The following FAM171A1 variants were observed in gnomAD, a reference collection of about 807,000 sequenced individuals.
FAM171A1 encodes family with sequence similarity 171 member A1.
Under a neutral mutation model 74.9 loss-of-function variants are expected in FAM171A1, and 23 were observed. The observed-to-expected ratio is 0.31, with a 90% confidence interval of 0.22 to 0.44. FAM171A1 has a LOEUF of 0.44. Ranked by LOEUF, FAM171A1 falls within the 20% of genes least tolerant of loss-of-function variation. The pLI, the probability that FAM171A1 is intolerant of heterozygous loss-of-function variation, is 1.00. For missense variants in FAM171A1, 1,162 were observed against 1,159.2 expected, an observed-to-expected ratio of 1.00 and a Z score of -0.03; for synonymous variants, 527 against 505.7, an observed-to-expected ratio of 1.04 and a Z score of -0.57.
At chr10:15,331,852 T>C (rs1467165269) in intron 1 of FAM171A1, among the ~76,000 whole-genome samples, 2,805 of 35,016 alleles carry the variant, frequency 0.08, 77 homozygotes, top group African/African-American at 0.14. Flanking sequence ...TGTGTATATA[T>C]ATGTGTGTAT....
At chr10:15,368,104 TGAGAG>T (rs1836088109) in intron 1 of FAM171A1, among the ~76,000 whole-genome samples, 1 of 152,178 alleles carries the variant, frequency 6.6e-6, no homozygotes, top group African/African-American at 2.4e-5. Context: ...CCAGAGCAAC[TGAGAG>T]GAAACACTTA....
chr10:15,333,705 G>T lies in FAM171A1; in HGVS notation c.97+37251C>A, dbSNP rs542126864. 3.2e-3 allele frequency among the ~76,000 whole-genome samples: 480 copies of T among 152,074 alleles called. 3 individuals carry two copies. Among genetic ancestry groups the T allele is most frequent in the African/African-American group, 0.011 (463 of 41,500 alleles). On this transcript the variant is annotated intron_variant, in intron 1 of 7. Coordinates refer to ENST00000378116, the MANE Select transcript of FAM171A1 (RefSeq NM_001010924.2). ...AATATAGCTGGGTGTGGTGGCATAG[G>T]CCTGTCATCAGTCCCAGCTACTCAG...
At chr10:15,287,299 A>T (rs1835048492) in intron 1 of FAM171A1, among the ~76,000 whole-genome samples, 1 of 151,416 alleles carries the variant, frequency 6.6e-6, no homozygotes, top group Admixed American at 6.6e-5. Context: ...TCACCGTGTT[A>T]GCCAGGATGG....
intron 6 of FAM171A1, among the ~76,000 whole-genome samples, chr10:15,217,799 G>A (rs1427251186): frequency 6.6e-6 from 1 of 151,898 alleles, no homozygotes; most frequent in East Asian, 1.9e-4. Context: ...CACCATGCCT[G>A]GCTAATTTTT....
intron 1 of FAM171A1, among the ~76,000 whole-genome samples, chr10:15,290,380 T>A (rs1835088953): frequency 6.6e-6 from 1 of 152,178 alleles, no homozygotes; most frequent in Admixed American, 6.5e-5. Context: ...TACACTTCCC[T>A]TCCATGTTGC....
chr10:15,293,325 T>G (rs571112169), intron 1 of FAM171A1, among the ~76,000 whole-genome samples: 36 of 152,292 alleles, frequency 2.4e-4, no homozygotes, highest in African/African-American at 8.4e-4. Context: ...GAGATCTATT[T>G]GAAAAGTATT....
upstream of FAM171A1, among the ~76,000 whole-genome samples, chr10:15,372,817 T>C (rs1390367232): frequency 6.6e-6 from 1 of 152,060 alleles, no homozygotes; most frequent in Non-Finnish European, 1.5e-5. Flanking sequence ...AACCTCAACT[T>C]TTCTTTCTCT....
Position 15,254,705 on chromosome 10 carries a change from A to G in FAM171A1, c.577+16T>C, listed in dbSNP as rs530393380. ...ACACAGTAACTCCCACTGAAAAGAG[A>G]AAAGACTCCAATTACCTGTTCCATT... On this transcript the variant is annotated intron_variant, in intron 4 of 7. Transcript: ENST00000378116. 10 of 1,610,346 alleles carry G rather than the reference A, an allele frequency of 6.2e-6. No individual in the cohort carries two copies. In the Admixed American group the frequency reaches 1.5e-4, roughly 24 times the overall value.
At chr10:15,294,419 T>A (rs982809270) in intron 1 of FAM171A1, among the ~76,000 whole-genome samples, 14 of 152,142 alleles carry the variant, frequency 9.2e-5, no homozygotes, top group Non-Finnish European at 1.9e-4. Flanking sequence ...TGCTACACAC[T>A]CTCATCCATG....
chr10:15,260,917 C>G (rs1834647664), intron 3 of FAM171A1, among the ~76,000 whole-genome samples: 1 of 152,224 alleles, frequency 6.6e-6, no homozygotes, highest in Admixed American at 6.5e-5. Flanking sequence ...AACCACTGCA[C>G]TATATACCCT....
chr10:15,312,673 G>GGTT (rs1835374892), intron 1 of FAM171A1, among the ~76,000 whole-genome samples: 2 of 36,382 alleles, frequency 5.5e-5, no homozygotes, highest in African/African-American at 2.3e-4. Flanking sequence ...AGCACTGTGT[G>GGTT]TTTTTTTTTT....
At chr10:15,326,110 G>C (rs1387011169) in intron 1 of FAM171A1, among the ~76,000 whole-genome samples, 2 of 152,116 alleles carry the variant, frequency 1.3e-5, no homozygotes, top group Admixed American at 1.3e-4. Context: ...TATCTGTTGG[G>C]AAAGTTTAGA....
chr10:15,364,729 T>A (rs548199112), intron 1 of FAM171A1, among the ~76,000 whole-genome samples: 4 of 152,172 alleles, frequency 2.6e-5, no homozygotes, highest in African/African-American at 9.7e-5. Context: ...TAGGGTAAAA[T>A]TGGTTTCCTT....
chr10:15,214,350 G>C lies in FAM171A1; in HGVS notation c.1238C>G (p.Pro413Arg), dbSNP rs368577858. 1 of 1,612,964 alleles carries C rather than the reference G, an allele frequency of 6.2e-7. No homozygotes were observed. The highest frequency in any genetic ancestry group is 1.7e-4 in the Middle Eastern group (1 of 6,052). The change falls in exon 8 of 8, where the codon CCC becomes CGC. Residue 413 changes from proline (P) to arginine (R), a missense_variant. Transcript: ENST00000378116. ...GGTGCTGTAGGAGAGCTTGAGCATG[G>C]GGGTGTGCAGGTCCCCTTCGCCGCC... ...SPGGEGDLHT[P>R]MLKLSYSTSQ... is the part of the protein sequence containing the mutation.
intron 1 of FAM171A1, among the ~76,000 whole-genome samples, chr10:15,297,741 T>A (rs1835177575): frequency 6.6e-6 from 1 of 152,186 alleles, no homozygotes; most frequent in Non-Finnish European, 1.5e-5. Flanking sequence ...AAATCGAAAA[T>A]ACGAACTATC....
chr10:15,291,228 T>C lies in FAM171A1; in HGVS notation c.98-7123A>G, dbSNP rs138658235. Among the ~76,000 whole-genome samples the C allele has an allele frequency of 2.0e-3, 299 of 152,302 alleles. 1 individual carries two copies. Among genetic ancestry groups the C allele is most frequent in the African/African-American group, 6.7e-3 (278 of 41,570 alleles). On this transcript the variant is annotated intron_variant, in intron 1 of 7. Coordinates refer to ENST00000378116, the MANE Select transcript of FAM171A1 (RefSeq NM_001010924.2). ...GCTTATTTTTAAAAAATTCAATTTA[T>C]AACTGTGAGGCCTAGCTGGTACCTA...
chr10:15,356,398 T>C (rs920560092), intron 1 of FAM171A1, among the ~76,000 whole-genome samples: 2 of 151,996 alleles, frequency 1.3e-5, no homozygotes, highest in Non-Finnish European at 2.9e-5. Context: ...AGTCTAGCAG[T>C]TTCTTATGAA....
chr10:15,250,023 C>A (rs1253474678), intron 4 of FAM171A1, among the ~76,000 whole-genome samples: 1 of 152,200 alleles, frequency 6.6e-6, no homozygotes, highest in Non-Finnish European at 1.5e-5. Context: ...TACCTACCTA[C>A]CAAACTGAGC....
intron 1 of FAM171A1, among the ~76,000 whole-genome samples, chr10:15,292,544 G>A (rs1476953150): frequency 1.3e-5 from 2 of 152,098 alleles, no homozygotes; most frequent in African/African-American, 2.4e-5. Flanking sequence ...GCAGTGGCAC[G>A]ATCTTGGCTC....
Sources: gnomAD v4.1 joint callset for allele counts (sites outside exome capture counted in the v4.1 genomes callset) on GRCh38, gnomAD v4.1.1 for gene constraint, MANE v1.5 for transcripts, NCBI Gene and HGNC (gene_info 2026-07-23, HGNC 2026-07-21) for gene names.